Variants in MAML3 observed in about 807,000 individuals in gnomAD.
MAML3 encodes the protein mastermind-like protein 3.
In MAML3, 27 loss-of-function variants were observed where a neutral mutation model predicts 101.9. The ratio of observed to expected loss-of-function variants is 0.27; its 90% CI spans 0.20 to 0.37. The LOEUF (loss-of-function observed/expected upper bound fraction) is 0.37. Among genes scored for constraint, MAML3 ranks in the 10% least tolerant of loss-of-function variants. The pLI, the probability that MAML3 is intolerant of heterozygous loss-of-function variation, is 1.00. For missense variants in MAML3, 1,316 were observed against 1,444.9 expected, an observed-to-expected ratio of 0.91 and a Z score of 1.45; for synonymous variants, 501 against 555.9, an observed-to-expected ratio of 0.90 and a Z score of 1.39.
intron 2 of MAML3, among the ~76,000 whole-genome samples, chr4:139,874,554 TG>T (rs1268743576): frequency 5.9e-5 from 9 of 152,098 alleles, no homozygotes; most frequent in Non-Finnish European, 1.3e-4. Flanking sequence ...GTATGCACAA[TG>T]CCTAGACACC....
intron 2 of MAML3, among the ~76,000 whole-genome samples, chr4:139,878,160 G>A (rs1053586293): frequency 6.6e-6 from 1 of 152,150 alleles, no homozygotes; most frequent in African/African-American, 2.4e-5. Flanking sequence ...AGTTGGCCAC[G>A]GAAGGAATAA....
intron 2 of MAML3, among the ~76,000 whole-genome samples, chr4:139,831,772 T>C (rs1432402049): frequency 6.6e-6 from 1 of 150,960 alleles, no homozygotes; most frequent in African/African-American, 2.4e-5. Flanking sequence ...CCAGCACTAT[T>C]CCAGGGAGTT....
At chr4:139,764,681 T>C (rs1404614493) in intron 2 of MAML3, among the ~76,000 whole-genome samples, 1 of 152,186 alleles carries the variant, frequency 6.6e-6, no homozygotes, top group Non-Finnish European at 1.5e-5. Flanking sequence ...GGCATTCTAC[T>C]GGAAACGCGG....
At chr4:139,827,119 C>G (rs1247039985) in intron 2 of MAML3, among the ~76,000 whole-genome samples, 1 of 152,080 alleles carries the variant, frequency 6.6e-6, no homozygotes, top group Non-Finnish European at 1.5e-5. Context: ...TTCCCTGGCA[C>G]AGTGACCTCT....
At chr4:140,001,872 A>G (rs1271206755) in intron 1 of MAML3, among the ~76,000 whole-genome samples, 1 of 152,220 alleles carries the variant, frequency 6.6e-6, no homozygotes, top group Non-Finnish European at 1.5e-5. Context: ...AGAGACTACT[A>G]TGCTTTTTTC....
chr4:139,913,095 T>C (rs978807204), intron 1 of MAML3, among the ~76,000 whole-genome samples: 1 of 152,206 alleles, frequency 6.6e-6, no homozygotes, highest in Non-Finnish European at 1.5e-5. Context: ...GTAATACATA[T>C]TTTGAATCAC....
At chr4:139,730,881 A>C in intron 2 of MAML3, 1 of 590,428 alleles carries the variant, frequency 1.7e-6, no homozygotes, top group Non-Finnish European at 3.0e-6. Flanking sequence ...GTAAGAGAGC[A>C]TGGCTCTGGG....
chr4:140,083,919 AAC>A lies in MAML3; in HGVS notation c.468+68939_468+68940del, dbSNP rs1441567429. ...CGGCAAAAGAAACACCCTAGATTGA[AAC>A]ACACACGCGCGCACACACACACACA... On this transcript the variant is annotated intron_variant, in intron 1 of 4. Coordinates refer to ENST00000509479, the MANE Select transcript of MAML3 (RefSeq NM_018717.5). 2.0e-4 allele frequency among the ~76,000 whole-genome samples: 29 copies of A among 145,822 alleles called. No individual in the cohort carries two copies. In the South Asian group the frequency reaches 3.3e-3, roughly 16 times the overall value.
At chr4:139,849,184 G>A (rs1731505139) in intron 2 of MAML3, among the ~76,000 whole-genome samples, 1 of 152,096 alleles carries the variant, frequency 6.6e-6, no homozygotes, top group Non-Finnish European at 1.5e-5. Context: ...TCATAGAAAA[G>A]GGGAAAAATA....
At chr4:139,874,423 G>A (rs1303994461) in intron 2 of MAML3, among the ~76,000 whole-genome samples, 2 of 152,012 alleles carry the variant, frequency 1.3e-5, no homozygotes, top group African/African-American at 4.8e-5. Flanking sequence ...AGTGAAACTT[G>A]CTAACAGTTG....
intron 1 of MAML3, among the ~76,000 whole-genome samples, chr4:139,962,717 A>C (rs1356143984): frequency 1.3e-5 from 2 of 152,258 alleles, no homozygotes; most frequent in Non-Finnish European, 2.9e-5. Context: ...TTAAAAACCA[A>C]GAAAAAGAGA....
At chr4:139,988,995 C>A (rs1265871287) in intron 1 of MAML3, among the ~76,000 whole-genome samples, 2 of 152,158 alleles carry the variant, frequency 1.3e-5, no homozygotes, top group Non-Finnish European at 2.9e-5. Flanking sequence ...ACTGTTGAAC[C>A]TGCTTCTTCT....
chr4:139,939,542 C>T (rs745656866), intron 1 of MAML3, among the ~76,000 whole-genome samples: 27 of 152,086 alleles, frequency 1.8e-4, no homozygotes, highest in Non-Finnish European at 2.9e-4. Context: ...AGCTCAAAAC[C>T]CTATTCTCAA....
chr4:139,827,868 T>TGAG (rs1482245394), intron 2 of MAML3, among the ~76,000 whole-genome samples: 1 of 152,216 alleles, frequency 6.6e-6, no homozygotes, highest in Admixed American at 6.5e-5. Flanking sequence ...CAATTTGAGC[T>TGAG]GAGGTGATTG....
At chr4:140,085,942 T>C (rs1727944555) in intron 1 of MAML3, among the ~76,000 whole-genome samples, 1 of 152,176 alleles carries the variant, frequency 6.6e-6, no homozygotes, top group East Asian at 1.9e-4. Context: ...CAGTGGAAAA[T>C]TTATGCTTTC....
At chr4:139,969,492 A>T (rs1734197607) in intron 1 of MAML3, among the ~76,000 whole-genome samples, 1 of 152,108 alleles carries the variant, frequency 6.6e-6, no homozygotes, top group African/African-American at 2.4e-5. Flanking sequence ...GACCTTTATA[A>T]GCATGAAGAA....
At chr4:139,952,809 C>A (rs1733853637) in intron 1 of MAML3, among the ~76,000 whole-genome samples, 2 of 152,170 alleles carry the variant, frequency 1.3e-5, no homozygotes, top group South Asian at 4.1e-4. Context: ...CCTGGCTTGG[C>A]ACATTAAAGT....
intron 1 of MAML3, among the ~76,000 whole-genome samples, chr4:140,088,983 A>C (rs918423860): frequency 3.3e-5 from 5 of 152,196 alleles, no homozygotes; most frequent in African/African-American, 1.2e-4. Context: ...AGTGCTCTAG[A>C]ATAAGCCACC....
intron 2 of MAML3, among the ~76,000 whole-genome samples, chr4:139,776,095 A>G (rs1027959711): frequency 6.6e-5 from 10 of 152,264 alleles, no homozygotes; most frequent in African/African-American, 2.4e-4. Context: ...AAGGCAAATG[A>G]TAAATGCATC....
Sources: gnomAD v4.1 joint callset for allele counts (sites outside exome capture counted in the v4.1 genomes callset) on GRCh38, gnomAD v4.1.1 for gene constraint, MANE v1.5 for transcripts, NCBI Gene and HGNC (gene_info 2026-07-23, HGNC 2026-07-21) for gene names.